MLLT10: variants seen among roughly 807,000 people sequenced by gnomAD.
MLLT10 encodes protein AF-10.
A neutral mutation model predicts 129.1 loss-of-function variants in MLLT10; 30 were observed. The observed-to-expected ratio is 0.23, with a 90% CI of 0.17 to 0.32. MLLT10 has a LOEUF of 0.32. MLLT10 is among the 10% of genes least tolerant of loss of function. The pLI, the probability that MLLT10 is intolerant of heterozygous loss-of-function variation, is 1.00. For missense variants in MLLT10, 1,119 were observed against 1,268.3 expected (o/e 0.88, Z 1.79); for synonymous variants, 490 against 446.4 (o/e 1.10, Z -1.23).
intron 14 of MLLT10, among the ~76,000 whole-genome samples, chr10:21,717,350 G>A (rs2056657609): frequency 7.8e-6 from 1 of 128,772 alleles, no homozygotes; most frequent in East Asian, 2.5e-4. Flanking sequence ...AGAATAACTT[G>A]AAACTTGATT....
chr10:21,693,074 G>T (rs545933826), intron 13 of MLLT10, among the ~76,000 whole-genome samples: 1 of 151,936 alleles, frequency 6.6e-6, no homozygotes, highest in East Asian at 1.9e-4. Flanking sequence ...GCTTATGATT[G>T]TACTCATTTA....
chr10:21,698,413 T>C (rs947086359), intron 13 of MLLT10, among the ~76,000 whole-genome samples: 1 of 152,254 alleles, frequency 6.6e-6, no homozygotes, highest in African/African-American at 2.4e-5. Context: ...TTCTTTCTTA[T>C]GGCCAAATAG....
chr10:21,671,356 T>C (rs998711825), intron 10 of MLLT10, among the ~76,000 whole-genome samples: 1 of 152,168 alleles, frequency 6.6e-6, no homozygotes, highest in Non-Finnish European at 1.5e-5. Flanking sequence ...TTCCTAAACA[T>C]TAAAAACAAT....
intron 8 of MLLT10, chr10:21,626,355 A>G: frequency 2.9e-6 from 2 of 698,148 alleles, no homozygotes; most frequent in Non-Finnish European, 5.0e-6. Flanking sequence ...ATGACTAGAA[A>G]TCTCGCACGC....
chr10:21,615,081 T>G (rs1166373896), intron 7 of MLLT10, among the ~76,000 whole-genome samples, 157 bp downstream of exon 7: 1 of 152,178 alleles, frequency 6.6e-6, no homozygotes, highest in Non-Finnish European at 1.5e-5. Flanking sequence ...TAAATAGATC[T>G]GTTAATAGTA....
intron 3 of MLLT10, among the ~76,000 whole-genome samples, chr10:21,568,398 C>T (rs1344750361): frequency 1.3e-5 from 2 of 152,070 alleles, no homozygotes; most frequent in African/African-American, 4.8e-5. Flanking sequence ...GTAAGTGTAA[C>T]CTTTGATTTC....
chr10:21,631,352 A>T (rs2131266707), intron 8 of MLLT10, among the ~76,000 whole-genome samples: 1 of 150,868 alleles, frequency 6.6e-6, no homozygotes, highest in Non-Finnish European at 1.5e-5. Flanking sequence ...TAATGGGCAG[A>T]CGAAGAGATA....
intron 17 of MLLT10, among the ~76,000 whole-genome samples, chr10:21,731,378 T>G (rs1180148049): frequency 6.6e-6 from 1 of 152,154 alleles, no homozygotes; most frequent in Non-Finnish European, 1.5e-5. Flanking sequence ...TTAAATGACA[T>G]GAAAAATGTA....
At chr10:21,538,617 T>A (rs1223496092) in intron 2 of MLLT10, among the ~76,000 whole-genome samples, 4 of 152,158 alleles carry the variant, frequency 2.6e-5, no homozygotes, top group African/African-American at 9.7e-5. Flanking sequence ...TTGATTTATT[T>A]AGATGAGGTA....
intron 3 of MLLT10, chr10:21,551,949 C>CAT (rs2037120638): frequency 3.8e-6 from 1 of 259,924 alleles, no homozygotes; most frequent in Admixed American, 5.2e-5. Flanking sequence ...CACACACCAC[C>CAT]ATGCCTGGGC....
In MLLT10 at chr10:21,740,168, C is replaced by T. The variant is rs1477154339; in HGVS notation, c.3094C>T (p.Pro1032Ser). Residue 1032 changes from proline to serine, a missense_variant, in exon 22 of 23, where the codon CCA becomes TCA. Pro to Ser is a moderately conservative substitution (Grantham distance 74, BLOSUM62 -1). Coordinates refer to ENST00000307729, the MANE Select transcript of MLLT10 (RefSeq NM_001195626.3). The stretch of plus-strand genomic sequence containing the variant: ...CCTTCTTGCAGGTACACAGGCACCC[C>T]CACTTCACACAGCTACCACCAACCC... ...NNLLAGTQAP[P>S]LHTATTNPFL... 2 of 1,614,190 alleles carry T rather than the reference C, an allele frequency of 1.2e-6. No individual in the cohort carries two copies. Among genetic ancestry groups the T allele is most frequent in the Non-Finnish European group, 1.7e-6 (2 of 1,180,040 alleles).
At chr10:21,628,330 T>C (rs181330085) in intron 8 of MLLT10, among the ~76,000 whole-genome samples, 1 of 152,172 alleles carries the variant, frequency 6.6e-6, no homozygotes, top group East Asian at 1.9e-4. Context: ...ACAGCTTCAG[T>C]GGGTCAGGAA....
In MLLT10 at chr10:21,742,266, G is replaced by A. The variant is rs1833773815; in HGVS notation, c.*283G>A. The A allele has an allele frequency of 5.8e-6, 2 of 347,554 alleles. No homozygotes were observed. Among genetic ancestry groups the A allele is most frequent in the South Asian group, 1.1e-4 (1 of 9,166 alleles). 21.5% of individuals were successfully genotyped at this position (347,554 alleles called of 1,614,324 possible). ...AAGTGACATAATTTACATGCAATAT[G>A]TTTATCAACTCAAGAATTTAATATA... is the stretch of plus-strand genomic sequence containing the variant. On this transcript the variant is annotated 3_prime_UTR_variant, in exon 23 of 23. Transcript: ENST00000307729.
intron 9 of MLLT10, among the ~76,000 whole-genome samples, chr10:21,667,393 A>G (rs796359359): frequency 2.0e-5 from 3 of 147,190 alleles, no homozygotes; most frequent in African/African-American, 7.5e-5. Flanking sequence ...CAATTTTATA[A>G]TTTTTCCTAC....
chr10:21,712,203 C>CATTTATTTATTTATTTATTT lies in MLLT10; in HGVS notation c.1700-1568_1700-1549dup, dbSNP rs60779896. Among the ~76,000 whole-genome samples, 204 of 150,240 alleles carry CATTTATTTATTTATTTATTT rather than the reference C, an allele frequency of 1.4e-3. 1 individual carries two copies. The highest frequency in any genetic ancestry group is 4.5e-3 in the East Asian group (23 of 5,110). On this transcript the variant is annotated intron_variant, in intron 13 of 22. Coordinates refer to ENST00000307729, the MANE Select transcript of MLLT10 (RefSeq NM_001195626.3). ...AATTTATTATATAAGTCAATAACTT[C>CATTTATTTATTTATTTATTT]ATTTATTTATTTATTTATTTTTAAA...
chr10:21,638,268 G>GGC (rs1554827288), intron 8 of MLLT10, among the ~76,000 whole-genome samples: 9 of 102,572 alleles, frequency 8.8e-5, no homozygotes, highest in African/African-American at 3.5e-4. Flanking sequence ...GGGGGGAGGG[G>GGC]GGCGGGGGCA....
intron 3 of MLLT10, chr10:21,551,801 T>TC (rs1491463546): frequency 1.3e-4 from 23 of 177,652 alleles, no homozygotes; most frequent in South Asian, 4.2e-4. Context: ...TCTCTCTCTC[T>TC]TTTTTTTTTT....
chr10:21,643,384 C>T (rs965716650), intron 8 of MLLT10, among the ~76,000 whole-genome samples: 2 of 152,154 alleles, frequency 1.3e-5, no homozygotes, highest in Admixed American at 6.5e-5. Context: ...GTGACATTCT[C>T]TTATGTAAAC....
intron 15 of MLLT10, 82 bp downstream of exon 15, chr10:21,726,437 A>T: frequency 1.1e-6 from 1 of 949,594 alleles, no homozygotes. Context: ...ATTTTATTTG[A>T]AAACATGCAG....
Sources: allele counts gnomAD v4.1 joint callset (sites outside exome capture counted in the v4.1 genomes callset), GRCh38; gene constraint gnomAD v4.1.1; transcripts MANE v1.5; gene names NCBI Gene and HGNC (gene_info 2026-07-23, HGNC 2026-07-21).